The following FHOD3 variants were observed in gnomAD, a reference collection of about 807,000 sequenced individuals.
The protein encoded by FHOD3 is FH1/FH2 domain-containing protein 3.
Under a neutral mutation model 173.0 loss-of-function variants are expected in FHOD3, and 90 were observed. The ratio of observed to expected loss-of-function variants is 0.52; its 90% CI spans 0.44 to 0.62. The LOEUF (loss-of-function observed/expected upper bound fraction) is 0.62. Among genes scored for constraint, FHOD3 ranks in the 20% least tolerant of loss-of-function variants. FHOD3 has a pLI of 0.00. For synonymous variants in FHOD3, 828 were observed against 823.0 expected (o/e 1.01, Z -0.10); for missense variants, 1,945 against 2,034.7 (o/e 0.96, Z 0.85).
Position 36,505,365 on chromosome 18 carries a change from G to A in FHOD3, c.405+3366G>A, listed in dbSNP as rs183435872. On this transcript the variant is annotated intron_variant, in intron 4 of 28. Coordinates refer to ENST00000590592, the MANE Select transcript of FHOD3 (RefSeq NM_001281740.3). ...TTAGAATGATCACCATAGATGACCT[G>A]AAGAAACAGAAGGATAAACTGTCGA... Among the ~76,000 whole-genome samples the A allele has an allele frequency of 6.0e-4, 91 of 152,338 alleles. No homozygotes were observed. The East Asian group carries it at 0.01, about 17-fold the overall frequency.
At chr18:36,758,317 T>C (rs932930583) in intron 25 of FHOD3, among the ~76,000 whole-genome samples, 2 of 152,212 alleles carry the variant, frequency 1.3e-5, no homozygotes, top group Non-Finnish European at 2.9e-5. Context: ...CACTCCTAAA[T>C]TGAAAGTGTG....
At chr18:36,607,084 T>C (rs1369551594) in intron 8 of FHOD3, among the ~76,000 whole-genome samples, 2 of 152,154 alleles carry the variant, frequency 1.3e-5, no homozygotes, top group East Asian at 3.9e-4. Context: ...TCTGGGGTCT[T>C]GGGGGCTGCC....
chr18:36,708,578 C>T (rs1392259255), intron 17 of FHOD3, among the ~76,000 whole-genome samples: 3 of 152,150 alleles, frequency 2.0e-5, no homozygotes, highest in South Asian at 2.1e-4. Context: ...ATTAAGGCTG[C>T]GGCTGGCTGG....
At chr18:36,606,475 C>G (rs2032083040) in intron 8 of FHOD3, among the ~76,000 whole-genome samples, 1 of 152,098 alleles carries the variant, frequency 6.6e-6, no homozygotes, top group African/African-American at 2.4e-5. Context: ...TACCTCCTTT[C>G]AACACTGTTG....
At chr18:36,706,516 T>C (rs1174648629) in intron 17 of FHOD3, among the ~76,000 whole-genome samples, 2 of 152,216 alleles carry the variant, frequency 1.3e-5, no homozygotes, top group South Asian at 4.1e-4. Flanking sequence ...AGTGTGGCTT[T>C]TCCAGAGCTC....
At chr18:36,658,947 C>A (rs2036600900) in intron 14 of FHOD3, among the ~76,000 whole-genome samples, 1 of 152,104 alleles carries the variant, frequency 6.6e-6, no homozygotes, top group Non-Finnish European at 1.5e-5. Context: ...CTGTGTGAAG[C>A]CCACCATGTG....
intron 28 of FHOD3, among the ~76,000 whole-genome samples, chr18:36,773,258 C>A (rs79302805): frequency 0.04 from 6,025 of 152,092 alleles, 426 homozygotes; most frequent in African/African-American, 0.14. Flanking sequence ...GTCTGTAAGT[C>A]CCCCCCACAG....
At chr18:36,704,216 AG>A (rs2039744505) in intron 17 of FHOD3, among the ~76,000 whole-genome samples, 1 of 152,158 alleles carries the variant, frequency 6.6e-6, no homozygotes, top group Non-Finnish European at 1.5e-5. Context: ...CCTCGGAGCC[AG>A]GTCAGTGCAG....
At chr18:36,663,627 G>T (rs1348076309) in intron 14 of FHOD3, among the ~76,000 whole-genome samples, 1 of 152,206 alleles carries the variant, frequency 6.6e-6, no homozygotes, top group African/African-American at 2.4e-5. Context: ...GCTTCTCCCA[G>T]CTTAAGCTCT....
At chr18:36,334,899 AG>A (rs1297961410) in intron 1 of FHOD3, among the ~76,000 whole-genome samples, 2 of 152,198 alleles carry the variant, frequency 1.3e-5, no homozygotes, top group African/African-American at 4.8e-5. Context: ...TATTCCTGTA[AG>A]GAGGCCTGGC....
rs1037445872 is a variant in FHOD3, at chr18:36,716,914, A to G, written c.2534-918A>G. ...AAGACGGGGGAAATTATATATGTGT[A>G]TGTGTGTGTGTGTGTGTGTGTGTGT... On this transcript the variant is annotated intron_variant, in intron 18 of 28. Transcript: ENST00000590592. Among the ~76,000 whole-genome samples, 324 of 136,922 alleles carry G rather than the reference A, an allele frequency of 2.4e-3. 1 individual carries two copies. Among genetic ancestry groups the G allele is most frequent in the Middle Eastern group, 7.4e-3 (2 of 272 alleles). 89.8% of individuals were successfully genotyped at this position (136,922 alleles called of 152,430 possible). A position where few individuals can be genotyped will look rare whatever the true frequency, so the allele number is the denominator to read the frequency against.
intron 3 of FHOD3, among the ~76,000 whole-genome samples, chr18:36,452,815 T>A (rs993420141): frequency 1.3e-5 from 2 of 152,182 alleles, no homozygotes; most frequent in Non-Finnish European, 2.9e-5. Context: ...TGTGTGTGTA[T>A]GTGTATATAT....
In FHOD3 at chr18:36,485,825, C is replaced by G. The variant is rs191816832; in HGVS notation, c.338-16107C>G. Among the ~76,000 whole-genome samples the G allele has an allele frequency of 5.9e-5, 9 of 152,264 alleles. No homozygotes were observed. In the East Asian group the frequency reaches 1.7e-3, roughly 29 times the overall value. ...CTTGCAGAGGAAAGAAATGGTGCTG[C>G]CCATCATAGGACCACAAAGGTTCCC... On this transcript the variant is annotated intron_variant, in intron 3 of 28. Coordinates refer to ENST00000590592, the MANE Select transcript of FHOD3 (RefSeq NM_001281740.3).
intron 25 of FHOD3, among the ~76,000 whole-genome samples, chr18:36,757,579 T>C (rs1267070484): frequency 6.6e-6 from 1 of 152,132 alleles, no homozygotes; most frequent in Non-Finnish European, 1.5e-5. Flanking sequence ...TAGAGAAAAC[T>C]GTTTGTAGTA....
At chr18:36,445,642 A>G (rs541259020) in intron 3 of FHOD3, among the ~76,000 whole-genome samples, 1 of 152,274 alleles carries the variant, frequency 6.6e-6, no homozygotes, top group East Asian at 1.9e-4. Flanking sequence ...ACCATGAGGC[A>G]GTGTTTAAAA....
At chr18:36,516,356 C>T (rs1022056537) in intron 5 of FHOD3, among the ~76,000 whole-genome samples, 11 of 152,140 alleles carry the variant, frequency 7.2e-5, no homozygotes, top group African/African-American at 2.7e-4. Flanking sequence ...GCACAGAGGT[C>T]GGCCATGAGG....
intron 15 of FHOD3, among the ~76,000 whole-genome samples, chr18:36,685,955 C>G (rs1435343272): frequency 1.3e-5 from 2 of 152,066 alleles, no homozygotes; most frequent in Non-Finnish European, 2.9e-5. Context: ...AGGAACAAAG[C>G]AGGAGCTTCA....
chr18:36,594,046 A>G (rs1245343464), intron 6 of FHOD3, among the ~76,000 whole-genome samples: 1 of 152,250 alleles, frequency 6.6e-6, no homozygotes, highest in African/African-American at 2.4e-5. Flanking sequence ...GCTGACCCAG[A>G]GACCCCAAGG....
rs145884938 is a variant in FHOD3 at position 36,506,175 on chromosome 18, A to G, written c.405+4176A>G. 6.1e-3 allele frequency among the ~76,000 whole-genome samples: 922 copies of G among 152,370 alleles called. 9 individuals carry two copies. The highest frequency in any genetic ancestry group is 0.021 in the African/African-American group (886 of 41,582). ...ACTTTCCCTCAAATGTGACTTCATTAATTTAGGATATCCTTAGATCAATGA... is the reference window on the plus strand; with the variant it reads ...ACTTTCCCTCAAATGTGACTTCATTGATTTAGGATATCCTTAGATCAATGA... On this transcript the variant is annotated intron_variant, in intron 4 of 28. Coordinates refer to ENST00000590592, the MANE Select transcript of FHOD3 (RefSeq NM_001281740.3).
Sources: allele counts gnomAD v4.1 joint callset (sites outside exome capture counted in the v4.1 genomes callset), GRCh38; gene constraint gnomAD v4.1.1; transcripts MANE v1.5; gene names NCBI Gene and HGNC (gene_info 2026-07-23, HGNC 2026-07-21).